BCO1: variants seen among roughly 807,000 people sequenced by gnomAD.
The protein encoded by BCO1 is beta-carotene oxygenase 1.
Under a neutral mutation model 56.3 loss-of-function variants are expected in BCO1, and 54 were observed. That is an observed-to-expected ratio of 0.96 (90% CI 0.77 to 1.20). The LOEUF (loss-of-function observed/expected upper bound fraction) is 1.20, where lower values mean the gene tolerates loss of function less well. BCO1 is among the 50% of genes most tolerant of loss of function. BCO1 has a pLI of 0.00. For synonymous variants in BCO1, 318 were observed against 266.1 expected (o/e 1.20, Z -1.90); for missense variants, 801 against 690.9 (o/e 1.16, Z -1.79).
At chr16:81,280,998 G>C in intron 8 of BCO1, 36 bp downstream of exon 8, 2 of 1,518,704 alleles carry the variant, frequency 1.3e-6, no homozygotes, top group South Asian at 2.3e-5. Context: ...TTTAGGAAAG[G>C]GGCAGATTTT....
intron 5 of BCO1, among the ~76,000 whole-genome samples, chr16:81,265,537 C>G (rs1235220500): frequency 7.1e-6 from 1 of 139,894 alleles, no homozygotes; most frequent in Non-Finnish European, 1.6e-5. Context: ...CATCCATCAA[C>G]CCATTCACTT....
At chr16:81,264,219 C>G (rs1282142249) in intron 4 of BCO1, 1 of 274,324 alleles carries the variant, frequency 3.6e-6, no homozygotes, top group African/African-American at 2.2e-5. Context: ...AATGACAGAA[C>G]TGTGGCCAAG....
At chr16:81,285,490 T>A (rs776806406) in intron 8 of BCO1, 50 bp from the exon 9 acceptor site, 7 of 1,351,558 alleles carry the variant, frequency 5.2e-6, no homozygotes, top group Non-Finnish European at 7.4e-6. Flanking sequence ...GGGTGGATGC[T>A]CCCAGCCCCC....
chr16:81,273,039 G>A (rs1907333084), intron 7 of BCO1, among the ~76,000 whole-genome samples: 1 of 151,880 alleles, frequency 6.6e-6, no homozygotes, highest in Admixed American at 6.6e-5. Context: ...GTTTAATCTC[G>A]GCTCACTGCA....
At position 81,238,808 on chromosome 16, in the gene BCO1, G is replaced by C; in HGVS notation, c.-101G>C. On this transcript the variant is annotated 5_prime_UTR_variant, in exon 1 of 11. Coordinates refer to ENST00000258168, the MANE Select transcript of BCO1 (RefSeq NM_017429.3). ...GAGATGTGAAGGAGGGAAGGAGCAG[G>C]AGAGCAGGAAGGAAACGCAGGAGGA... is the stretch of plus-strand genomic sequence containing the variant. 1 of 1,006,090 alleles carries C rather than the reference G, an allele frequency of 9.9e-7. No homozygotes were observed. 62.3% of individuals were successfully genotyped at this position (1,006,090 alleles called of 1,614,324 possible).
intron 1 of BCO1, among the ~76,000 whole-genome samples, chr16:81,241,294 C>G (rs1305600837): frequency 6.6e-6 from 1 of 152,066 alleles, no homozygotes; most frequent in African/African-American, 2.4e-5. Context: ...GCCTGGGCAA[C>G]AGAGTGAGAC....
intron 7 of BCO1, among the ~76,000 whole-genome samples, chr16:81,280,109 A>G (rs954316943): frequency 3.3e-5 from 5 of 151,734 alleles, no homozygotes; most frequent in Non-Finnish European, 7.4e-5. Flanking sequence ...CTAAAAATAT[A>G]AAAATTAGCC....
chr16:81,284,029 C>CAA (rs1191145225), intron 8 of BCO1, among the ~76,000 whole-genome samples: 11 of 128,552 alleles, frequency 8.6e-5, no homozygotes, highest in Non-Finnish European at 3.4e-5. Flanking sequence ...ACTGAAAATA[C>CAA]AAAAAAAAAA....
At chr16:81,287,943 G>A (rs896491897) in intron 10 of BCO1, among the ~76,000 whole-genome samples, 4 of 152,144 alleles carry the variant, frequency 2.6e-5, no homozygotes, top group African/African-American at 7.2e-5. Flanking sequence ...CTGCCTGTGT[G>A]TCTGACCTTT....
chr16:81,263,102 T>A (rs2151937679), intron 4 of BCO1: 1 of 150,422 alleles, frequency 6.6e-6, no homozygotes, highest in Admixed American at 6.6e-5. Context: ...TGTCCAAATG[T>A]TCTGCCTTTT....
At chr16:81,275,444 T>G (rs1351226429) in intron 7 of BCO1, among the ~76,000 whole-genome samples, 3 of 152,232 alleles carry the variant, frequency 2.0e-5, no homozygotes, top group Non-Finnish European at 2.9e-5. Context: ...ATCAGCAGCA[T>G]GACCCCGCAG....
chr16:81,278,261 C>T (rs571691497), intron 7 of BCO1, among the ~76,000 whole-genome samples: 4 of 152,194 alleles, frequency 2.6e-5, no homozygotes, highest in African/African-American at 4.8e-5. Flanking sequence ...AGGCTGGTCT[C>T]GAACTCCTGA....
At chr16:81,260,884 A>C (rs1214442842) in intron 3 of BCO1, among the ~76,000 whole-genome samples, 1 of 152,202 alleles carries the variant, frequency 6.6e-6, no homozygotes, top group Non-Finnish European at 1.5e-5. Flanking sequence ...ATTCTTGGCC[A>C]GGGAATCAGG....
intron 6 of BCO1, among the ~76,000 whole-genome samples, chr16:81,269,567 A>C (rs1053374207): frequency 7.2e-5 from 11 of 152,076 alleles, no homozygotes; most frequent in African/African-American, 2.2e-4. Flanking sequence ...TCCTGGGTTC[A>C]AGCGATTCTC....
At chr16:81,257,006 C>T (rs1408135874) in intron 2 of BCO1, among the ~76,000 whole-genome samples, 1 of 152,232 alleles carries the variant, frequency 6.6e-6, no homozygotes, top group Non-Finnish European at 1.5e-5. Flanking sequence ...CCCAGCCGAA[C>T]TCAACGCCTG....
chr16:81,284,161 C>G (rs1243797709), intron 8 of BCO1, among the ~76,000 whole-genome samples: 1 of 151,310 alleles, frequency 6.6e-6, no homozygotes, highest in Admixed American at 6.6e-5. Context: ...CCACTGCACT[C>G]CAGCCCAGGC....
intron 10 of BCO1, 102 bp downstream of exon 10, chr16:81,287,508 G>C (rs1000838669): frequency 1.3e-5 from 11 of 870,644 alleles, no homozygotes; most frequent in Non-Finnish European, 1.9e-5. Flanking sequence ...GGTCATAAAG[G>C]GGGTGGATTG....
chr16:81,258,350 C>G (rs900712499), intron 2 of BCO1, among the ~76,000 whole-genome samples: 3 of 152,006 alleles, frequency 2.0e-5, no homozygotes, highest in Non-Finnish European at 4.4e-5. Context: ...GAGTTAGACT[C>G]TCTGCAGAAT....
At chr16:81,240,237 C>A (rs1211840834) in intron 1 of BCO1, among the ~76,000 whole-genome samples, 4 of 151,992 alleles carry the variant, frequency 2.6e-5, no homozygotes, top group Non-Finnish European at 1.5e-5. Flanking sequence ...ATTTTGAAAT[C>A]TCTTAACCAC....
Sources: allele counts gnomAD v4.1 joint callset (sites outside exome capture counted in the v4.1 genomes callset), GRCh38; gene constraint gnomAD v4.1.1; transcripts MANE v1.5; gene names NCBI Gene and HGNC (gene_info 2026-07-23, HGNC 2026-07-21).